The following CFAP251 variants were observed in gnomAD, a reference collection of about 807,000 sequenced individuals.
The protein encoded by CFAP251 is cilia and flagella associated protein 251, also known as cilia- and flagella-associated protein 251.
A neutral mutation model predicts 126.7 loss-of-function variants in CFAP251; 93 were observed. That is an observed-to-expected ratio of 0.73 (90% CI 0.62 to 0.87). The LOEUF is 0.87. Ranked by LOEUF, CFAP251 falls within the 40% of genes least tolerant of loss-of-function variation. The pLI is 0.00. For missense variants in CFAP251, 1,287 were observed against 1,389.2 expected (o/e 0.93, Z 1.17); for synonymous variants, 503 against 506.9 (o/e 0.99, Z 0.10).
intron 14 of CFAP251, among the ~76,000 whole-genome samples, chr12:121,961,730 A>C (rs984057906): frequency 1.3e-5 from 2 of 152,208 alleles, no homozygotes; most frequent in Non-Finnish European, 2.9e-5. Context: ...GGAAGTTCTG[A>C]GGATGACATG....
At position 121,943,492 on chromosome 12, in the gene CFAP251, G is replaced by A. The variant is rs892999122; in HGVS notation, c.1191+517G>A. Among the ~76,000 whole-genome samples, 8 of 152,082 alleles carry A rather than the reference G, an allele frequency of 5.3e-5. No homozygotes were observed. The East Asian group carries it at 1.2e-3, about 22-fold the overall frequency. On this transcript the variant is annotated intron_variant, in intron 7 of 21. Coordinates refer to ENST00000288912, the MANE Select transcript of CFAP251 (RefSeq NM_144668.6). ...GTCTGGAGTGCAATGGCACGATCTC[G>A]GCTCAACACAACCTCTGCCTCCCAG...
rs923988847 is a variant in CFAP251, at chr12:121,983,987, C to T, written c.3006+8302C>T. Among the ~76,000 whole-genome samples, 3 of 152,202 alleles carry T rather than the reference C, an allele frequency of 2.0e-5. 1 individual carries two copies. The highest frequency in any genetic ancestry group is 3.8e-4 in the East Asian group (2 of 5,206). Reference sequence around the variant, plus strand: ...TTCCTACTGAGATGTAGCCGCTCCCCCTCCTTCAGGAAGTTGCATGGAGTA... The same window carrying T: ...TTCCTACTGAGATGTAGCCGCTCCCTCTCCTTCAGGAAGTTGCATGGAGTA... On this transcript the variant is annotated intron_variant, in intron 19 of 21. Coordinates refer to ENST00000288912, the MANE Select transcript of CFAP251 (RefSeq NM_144668.6).
intron 20 of CFAP251, among the ~76,000 whole-genome samples, chr12:122,000,424 C>T (rs755678251): frequency 3.3e-5 from 5 of 151,664 alleles, no homozygotes; most frequent in East Asian, 1.9e-4. Flanking sequence ...TGGTGGCACA[C>T]GCCTGTAATC....
chr12:121,965,867 T>A (rs1007688426), intron 15 of CFAP251, among the ~76,000 whole-genome samples: 1 of 148,840 alleles, frequency 6.7e-6, no homozygotes, highest in African/African-American at 2.5e-5. Context: ...TTGCCCAGGC[T>A]GGAGTGCAGT....
At chr12:121,998,431 TA>T (rs1182304254) in intron 19 of CFAP251, 1 of 73,028 alleles carries the variant, frequency 1.4e-5, no homozygotes, top group African/African-American at 5.9e-5. Flanking sequence ...GTTTTTAGTG[TA>T]ATATATATAT....
intron 1 of CFAP251, among the ~76,000 whole-genome samples, chr12:121,920,676 G>A (rs1301289983): frequency 4.6e-5 from 7 of 151,936 alleles, no homozygotes; most frequent in African/African-American, 1.4e-4. Flanking sequence ...GATTACAGGC[G>A]TGAGCCACCA....
rs1015815027 is a variant in CFAP251 at position 121,931,733 on chromosome 12, C to G, written c.748-13C>G. 3.2e-6 allele frequency: 5 copies of G among 1,544,862 alleles called. No homozygotes were observed. In the African/African-American group the frequency reaches 5.6e-5, roughly 17 times the overall value. On this transcript the variant is annotated splice_polypyrimidine_tract_variant and intron_variant, in intron 3 of 21. Coordinates refer to ENST00000288912, the MANE Select transcript of CFAP251 (RefSeq NM_144668.6). ...CGCTGTAATGTCTTGCTGGCTTTGC[C>G]CTTGTCTTCCAGACCATGACCTGGT...
chr12:121,928,649 T>C (rs1200391392), intron 3 of CFAP251, among the ~76,000 whole-genome samples: 2 of 33,004 alleles, frequency 6.1e-5, no homozygotes, highest in Non-Finnish European at 2.9e-4. Flanking sequence ...TATATATATA[T>C]ATATATACGT....
intron 19 of CFAP251, among the ~76,000 whole-genome samples, chr12:121,988,205 A>G (rs1380572317): frequency 1.3e-5 from 2 of 151,972 alleles, no homozygotes; most frequent in African/African-American, 4.8e-5. Context: ...TCTCCATATT[A>G]TTTATTTTCT....
chr12:121,973,679 G>A (rs570725714), intron 17 of CFAP251, among the ~76,000 whole-genome samples: 2 of 152,188 alleles, frequency 1.3e-5, no homozygotes, highest in African/African-American at 4.8e-5. Context: ...AGTCAAAGGA[G>A]ATCATTTTGG....
intron 17 of CFAP251, chr12:121,969,135 T>C: frequency 5.1e-6 from 5 of 985,414 alleles, no homozygotes; most frequent in Non-Finnish European, 6.0e-6. Flanking sequence ...ACAAACCTGA[T>C]TCCTGGCTGC....
intron 1 of CFAP251, among the ~76,000 whole-genome samples, 152 bp from the exon 2 acceptor site, chr12:121,921,134 C>T (rs918998687): frequency 6.6e-6 from 1 of 152,146 alleles, no homozygotes; most frequent in Non-Finnish European, 1.5e-5. Flanking sequence ...CAGGCATGAG[C>T]CACCGTGCCT....
intron 10 of CFAP251, among the ~76,000 whole-genome samples, chr12:121,956,856 A>G (rs1397688779): frequency 1.3e-5 from 2 of 152,164 alleles, no homozygotes; most frequent in Non-Finnish European, 2.9e-5. Context: ...GTTACCTGCT[A>G]AATCTGGCAA....
At chr12:121,967,390 T>C (rs553397383) in intron 16 of CFAP251, among the ~76,000 whole-genome samples, 4 of 152,242 alleles carry the variant, frequency 2.6e-5, no homozygotes, top group Non-Finnish European at 4.4e-5. Context: ...GTACATTTAA[T>C]GAATAATCTG....
At chr12:121,924,312 G>A (rs915541317) in intron 3 of CFAP251, among the ~76,000 whole-genome samples, 7 of 151,344 alleles carry the variant, frequency 4.6e-5, no homozygotes, top group Non-Finnish European at 4.4e-5. Context: ...GTCTCGCCAC[G>A]CCATGTTGGC....
At position 121,959,110 on chromosome 12, in the gene CFAP251, G is replaced by A. The variant is rs775811200; in HGVS notation, c.2133+16G>A. ...GGCAACTGCTGTAAGTATTTTCATG[G>A]ACAACCCATCCAGTGGCTTAGCAAT... is the stretch of plus-strand genomic sequence containing the variant. On this transcript the variant is annotated intron_variant, in intron 13 of 21. Transcript: ENST00000288912. The A allele has an allele frequency of 6.4e-7, 1 of 1,573,300 alleles. No individual in the cohort carries two copies. Among genetic ancestry groups the A allele is most frequent in the African/African-American group, 1.4e-5 (1 of 72,924 alleles).
intron 3 of CFAP251, among the ~76,000 whole-genome samples, chr12:121,928,300 A>G (rs2135748361): frequency 6.6e-6 from 1 of 152,200 alleles, no homozygotes; most frequent in African/African-American, 2.4e-5. Context: ...AGCTTGAGAC[A>G]ATTATGATTC....
At chr12:121,975,388 G>A (rs1882432408) in intron 18 of CFAP251, 54 bp downstream of exon 18, 2 of 1,584,752 alleles carry the variant, frequency 1.3e-6, no homozygotes, top group Non-Finnish European at 8.7e-7. Flanking sequence ...AGTTTGTAAA[G>A]CAAATGTGCC....
At chr12:121,936,982 C>T (rs1154514) in intron 5 of CFAP251, among the ~76,000 whole-genome samples, 55,505 of 152,028 alleles carry the variant, frequency 0.37, 11,355 homozygotes, top group Non-Finnish European at 0.47. Context: ...CTTCCATGCC[C>T]GGTCAGCCGT....
Sources: allele counts gnomAD v4.1 joint callset (sites outside exome capture counted in the v4.1 genomes callset), GRCh38; gene constraint gnomAD v4.1.1; transcripts MANE v1.5; gene names NCBI Gene and HGNC (gene_info 2026-07-23, HGNC 2026-07-21).